RNMT: variants seen among roughly 807,000 people sequenced by gnomAD.
RNMT encodes mRNA cap guanine-N(7) methyltransferase.
RNMT carries 27 observed loss-of-function variants against 56.0 expected under a neutral mutation model. That is an observed-to-expected ratio of 0.48 (90% CI 0.36 to 0.67). The LOEUF is 0.67. Ranked by LOEUF, RNMT falls within the 30% of genes least tolerant of loss-of-function variation. The probability of loss-of-function intolerance (pLI) is 0.00; values close to 1 mark genes in which losing one functional copy is unlikely to be tolerated. For missense variants in RNMT, 519 were observed against 552.1 expected, an observed-to-expected ratio of 0.94 and a Z score of 0.60; for synonymous variants, 184 against 176.2, an observed-to-expected ratio of 1.04 and a Z score of -0.35.
rs2044389752 is a variant in RNMT, at chr18:13,748,685, G to C, written c.1257+2348G>C. ...AAAAGATGTAGGCCATGGAACTGTA[G>C]GTCCTGACACCTGTTTTCTTTTTTT... is the stretch of plus-strand genomic sequence containing the variant. On this transcript the variant is annotated intron_variant, in intron 9 of 11. Coordinates refer to ENST00000383314, the MANE Select transcript of RNMT (RefSeq NM_003799.3). Among the ~76,000 whole-genome samples, 3 of 152,194 alleles carry C rather than the reference G, an allele frequency of 2.0e-5. No homozygotes were observed. The South Asian group carries it at 6.2e-4, about 31-fold the overall frequency.
intron 3 of RNMT, 72 bp downstream of exon 3, chr18:13,732,006 A>C (rs2044078865): frequency 8.0e-7 from 1 of 1,246,374 alleles, no homozygotes; most frequent in Admixed American, 2.3e-5. Context: ...CCGTGGATTC[A>C]TACTGGTTTT....
At chr18:13,738,190 G>T (rs2044196760) in intron 5 of RNMT, among the ~76,000 whole-genome samples, 1 of 151,982 alleles carries the variant, frequency 6.6e-6, no homozygotes, top group Admixed American at 6.6e-5. Context: ...AAATTATTGA[G>T]GACCCCAGAA....
intron 3 of RNMT, 26 bp from the exon 4 acceptor site, chr18:13,734,438 T>A: frequency 6.3e-7 from 1 of 1,585,614 alleles, no homozygotes; most frequent in East Asian, 2.3e-5. Flanking sequence ...GATCCTTGAT[T>A]TTTTTCTATT....
At chr18:13,744,089 T>G (rs1465896492) in intron 8 of RNMT, among the ~76,000 whole-genome samples, 1 of 147,766 alleles carries the variant, frequency 6.8e-6, no homozygotes, top group African/African-American at 2.5e-5. Context: ...AGTTTGGTGA[T>G]TTTAGTATAA....
In RNMT at chr18:13,760,537, A is replaced by T. The variant is rs1349055472; in HGVS notation, c.*558A>T. 1.0e-6 allele frequency: 1 copy of T among 985,818 alleles called. No homozygotes were observed. 61.1% of individuals were successfully genotyped at this position (985,818 alleles called of 1,614,324 possible). ...AGCTAAAATTTTAGCAATTTATTGC[A>T]TTTTGAAATAATCATTAACATGCTG... On this transcript the variant is annotated 3_prime_UTR_variant, in exon 12 of 12. Coordinates refer to ENST00000383314, the MANE Select transcript of RNMT (RefSeq NM_003799.3).
At position 13,743,522 on chromosome 18, in the gene RNMT, C is replaced by T. The variant is rs910903322; in HGVS notation, c.1139+870C>T. Among the ~76,000 whole-genome samples the T allele has an allele frequency of 4.6e-5, 7 of 152,024 alleles. No homozygotes were observed. In the Middle Eastern group the frequency reaches 0.01, roughly 222 times the overall value. On this transcript the variant is annotated intron_variant, in intron 8 of 11. Coordinates refer to ENST00000383314, the MANE Select transcript of RNMT (RefSeq NM_003799.3). ...CCATGTGCCTGAATTCCTAGGAGTCCTGGCAAACTGTAGACACAGGAAAAG... is the reference window on the plus strand; with the variant it reads ...CCATGTGCCTGAATTCCTAGGAGTCTTGGCAAACTGTAGACACAGGAAAAG...
chr18:13,727,225 C>T (rs907047638), intron 1 of RNMT, among the ~76,000 whole-genome samples: 3 of 152,216 alleles, frequency 2.0e-5, no homozygotes, highest in Admixed American at 2.0e-4. Context: ...ATCCCGGCGG[C>T]CCTGGCGGCC....
At chr18:13,745,668 C>CG (rs1182794848) in intron 8 of RNMT, among the ~76,000 whole-genome samples, 15 of 150,880 alleles carry the variant, frequency 9.9e-5, no homozygotes, top group African/African-American at 3.7e-4. Context: ...GCTGAACTAC[C>CG]GATAGCTGGG....
chr18:13,741,829 C>T (rs2044256508), intron 7 of RNMT, 138 bp downstream of exon 7: 1 of 557,554 alleles, frequency 1.8e-6, no homozygotes. Context: ...TTTGAGTAGA[C>T]ATTCAAAATT....
rs563526257 is a variant in RNMT, at chr18:13,734,511, A to G, written c.465A>G (p.Glu155=). The G allele has an allele frequency of 1.2e-4, 201 of 1,613,718 alleles. No individual in the cohort carries two copies. In the South Asian group the frequency reaches 2.1e-3, roughly 17 times the overall value. The part of the protein sequence containing the change: ...HSSTVAAHYN[E]LQEVGLEKRS... ...CAACAGTGGCTGCCCATTACAATGA[A>G]CTTCAGGAAGTTGGTTTGGAGAAGC... The change falls in exon 4 of 12, where the codon GAA becomes GAG. Residue 155 remains glutamate (E), a synonymous_variant. Transcript: ENST00000383314.
In RNMT at chr18:13,752,371, G is replaced by A; in HGVS notation, c.1303G>A (p.Asp435Asn). The A allele has an allele frequency of 1.2e-6, 2 of 1,613,494 alleles. No homozygotes were observed. The highest frequency in any genetic ancestry group is 1.7e-6 in the Non-Finnish European group (2 of 1,179,592). Reference sequence around the variant, plus strand: ...TTCTAAACTTGTCTCTGAGAAGGTGGATGACTATGAACATGCAGCAAAGTA... The same window carrying A: ...TTCTAAACTTGTCTCTGAGAAGGTGAATGACTATGAACATGCAGCAAAGTA... ...ESSKLVSEKV[D>N]DYEHAAKYMK... Residue 435 changes from aspartate to asparagine, a missense_variant, in exon 10 of 12, where the codon GAT becomes AAT. Coordinates refer to ENST00000383314, the MANE Select transcript of RNMT (RefSeq NM_003799.3).
At chr18:13,730,555 AAC>A (rs1448569949) in intron 1 of RNMT, 70 bp from the exon 2 acceptor site, 21 of 152,398 alleles carry the variant, frequency 1.4e-4, no homozygotes, top group African/African-American at 4.6e-4. Context: ...TTAAAAAATT[AAC>A]ACACATAAAT....
At chr18:13,734,248 C>G (rs965448064) in intron 3 of RNMT, among the ~76,000 whole-genome samples, 1 of 152,200 alleles carries the variant, frequency 6.6e-6, no homozygotes, top group African/African-American at 2.4e-5. Context: ...TCCGGTACGT[C>G]TTTAGCAGCA....
Position 13,731,480 on chromosome 18 carries a change from G to A in RNMT, c.-38G>A, listed in dbSNP as rs2044067105. The A allele has an allele frequency of 2.0e-6, 3 of 1,507,986 alleles. No individual in the cohort carries two copies. The South Asian group carries it at 3.9e-5, about 20-fold the overall frequency. The allele number at this position is 1,507,986 out of a possible 1,614,324, so 93.4% of individuals were successfully genotyped here. On this transcript the variant is annotated 5_prime_UTR_variant, in exon 3 of 12. Transcript: ENST00000383314. The stretch of plus-strand genomic sequence containing the variant: ...CCAATTTTTTTCCTATTCTAGTGTT[G>A]GTTCATGAAGTTTTACCATCAATTC...
In RNMT at chr18:13,760,551, A is replaced by G. The variant is rs2044606973; in HGVS notation, c.*572A>G. On this transcript the variant is annotated 3_prime_UTR_variant, in exon 12 of 12. Coordinates refer to ENST00000383314, the MANE Select transcript of RNMT (RefSeq NM_003799.3). ...CAATTTATTGCATTTTGAAATAATC[A>G]TTAACATGCTGCAATTCAGGAGCTG... is the stretch of plus-strand genomic sequence containing the variant. The G allele has an allele frequency of 2.0e-6, 2 of 985,816 alleles. No homozygotes were observed. The highest frequency in any genetic ancestry group is 2.4e-6 in the Non-Finnish European group (2 of 829,910). The allele number at this position is 985,816 out of a possible 1,614,324, so 61.1% of individuals were successfully genotyped here. A position where few individuals can be genotyped will look rare whatever the true frequency, so the allele number is the denominator to read the frequency against.
chr18:13,740,022 A>G, intron 5 of RNMT, 145 bp from the exon 6 acceptor site: 1 of 625,874 alleles, frequency 1.6e-6, no homozygotes, highest in Non-Finnish European at 2.8e-6. Flanking sequence ...GTCGGAACAA[A>G]GCCCTTTTCT....
At position 13,741,518 on chromosome 18, in the gene RNMT, G is replaced by A. The variant is rs755709643; in HGVS notation, c.801G>A (p.Leu267=). The A allele has an allele frequency of 5.6e-6, 9 of 1,610,242 alleles. No homozygotes were observed. Among genetic ancestry groups the A allele is most frequent in the Admixed American group, 5.1e-5 (3 of 59,286 alleles). The change falls in exon 7 of 12, where the codon CTG becomes CTA. Residue 267 remains leucine, a synonymous_variant. Coordinates refer to ENST00000383314, the MANE Select transcript of RNMT (RefSeq NM_003799.3). ...FITADSSKEL[L]IDKFRDPQMC... The stretch of plus-strand genomic sequence containing the variant: ...ATTTTAATTTGTTTCAGGAACTTCT[G>A]ATTGACAAATTTCGTGACCCACAAA...
chr18:13,732,064 G>C, intron 3 of RNMT, 130 bp downstream of exon 3: 1 of 607,962 alleles, frequency 1.6e-6, no homozygotes, highest in Non-Finnish European at 2.6e-6. Context: ...ATGGTCCTAA[G>C]ACAAAGTAGG....
At chr18:13,746,457 T>TAGTCAGTTACTC in intron 9 of RNMT, 120 bp downstream of exon 9, 1 of 696,626 alleles carries the variant, frequency 1.4e-6, no homozygotes, top group South Asian at 1.6e-5. Context: ...CTTCAGCACC[T>TAGTCAGTTACTC]AGGACGGAGC....
Sources: gnomAD v4.1 joint callset for allele counts (sites outside exome capture counted in the v4.1 genomes callset) on GRCh38, gnomAD v4.1.1 for gene constraint, MANE v1.5 for transcripts, NCBI Gene and HGNC (gene_info 2026-07-23, HGNC 2026-07-21) for gene names.